Variants in TBC1D22A observed in about 807,000 individuals in gnomAD.
TBC1D22A encodes putative GTPase activator.
In TBC1D22A, 38 loss-of-function variants were observed where a neutral mutation model predicts 60.2. The observed-to-expected ratio is 0.63, with a 90% CI of 0.49 to 0.83. TBC1D22A has a LOEUF of 0.83. Among genes scored for constraint, TBC1D22A ranks in the 40% least tolerant of loss-of-function variants. The pLI, the probability that TBC1D22A is intolerant of heterozygous loss-of-function variation, is 0.00. For synonymous variants in TBC1D22A, 302 were observed against 281.7 expected (o/e 1.07, Z -0.72); for missense variants, 628 against 701.0 (o/e 0.90, Z 1.18).
chr22:46,765,672 G>A (rs1481782810), intron 1 of TBC1D22A, among the ~76,000 whole-genome samples: 2 of 151,984 alleles, frequency 1.3e-5, no homozygotes, highest in African/African-American at 2.4e-5. Flanking sequence ...TCGCCATGTC[G>A]GCCAGGCTAG....
chr22:46,814,742 GT>G (rs1204713653), intron 4 of TBC1D22A, among the ~76,000 whole-genome samples: 4 of 151,900 alleles, frequency 2.6e-5, no homozygotes, highest in African/African-American at 9.7e-5. Flanking sequence ...CGCCTCACAG[GT>G]TCAAGCAATT....
At chr22:47,168,355 G>A (rs2068288411) in intron 12 of TBC1D22A, among the ~76,000 whole-genome samples, 1 of 147,072 alleles carries the variant, frequency 6.8e-6, no homozygotes, top group Non-Finnish European at 1.5e-5. Context: ...GGGGATATAG[G>A]GACACACAGA....
intron 12 of TBC1D22A, among the ~76,000 whole-genome samples, chr22:47,120,123 G>C (rs565201255): frequency 3.9e-5 from 6 of 152,256 alleles, no homozygotes; most frequent in African/African-American, 1.4e-4. Flanking sequence ...TGTCCGGCTT[G>C]CACTATTAAT....
At chr22:46,940,222 G>A (rs2071903276) in intron 8 of TBC1D22A, among the ~76,000 whole-genome samples, 1 of 152,142 alleles carries the variant, frequency 6.6e-6, no homozygotes, top group African/African-American at 2.4e-5. Flanking sequence ...CATGCTGTTG[G>A]GAAAATGGCA....
intron 12 of TBC1D22A, among the ~76,000 whole-genome samples, chr22:47,114,338 C>A (rs145207035): frequency 2.5e-3 from 385 of 151,810 alleles, no homozygotes; most frequent in Middle Eastern, 0.01. Context: ...AGTGGGGAAC[C>A]GGGAGGAGGC....
intron 10 of TBC1D22A, among the ~76,000 whole-genome samples, chr22:47,024,176 C>T (rs938006102): frequency 2.0e-5 from 3 of 152,146 alleles, no homozygotes; most frequent in Non-Finnish European, 4.4e-5. Context: ...GGACACATAC[C>T]ATCACCCTTA....
intron 8 of TBC1D22A, among the ~76,000 whole-genome samples, chr22:46,950,737 G>T (rs150988826): frequency 9.4e-4 from 143 of 152,316 alleles, no homozygotes; most frequent in African/African-American, 3.3e-3. Context: ...GTGTGGAGGA[G>T]AATCTGAAGA....
intron 7 of TBC1D22A, among the ~76,000 whole-genome samples, chr22:46,897,206 C>G (rs1321427253): frequency 2.6e-5 from 4 of 152,262 alleles, no homozygotes; most frequent in African/African-American, 9.6e-5. Context: ...TGAAAGCACA[C>G]TCCACAGGTC....
chr22:47,110,902 T>C (rs1197759594), intron 11 of TBC1D22A, among the ~76,000 whole-genome samples: 1 of 152,116 alleles, frequency 6.6e-6, no homozygotes, highest in African/African-American at 2.4e-5. Context: ...GGGGTAGATA[T>C]CTCAAGAAGG....
chr22:47,144,310 C>T (rs958319499), intron 12 of TBC1D22A, among the ~76,000 whole-genome samples: 5 of 152,200 alleles, frequency 3.3e-5, no homozygotes, highest in African/African-American at 1.2e-4. Flanking sequence ...GAGCTCCTCT[C>T]TCCCAGAGGA....
At chr22:47,058,023 AC>A (rs532096097) in intron 11 of TBC1D22A, among the ~76,000 whole-genome samples, 2 of 151,960 alleles carry the variant, frequency 1.3e-5, no homozygotes, top group South Asian at 4.2e-4. Flanking sequence ...CAGGGCCTCG[AC>A]CCCCCTTGGG....
chr22:46,884,796 AGAGT>A (rs1299353987), intron 5 of TBC1D22A, among the ~76,000 whole-genome samples: 1 of 152,178 alleles, frequency 6.6e-6, no homozygotes, highest in Admixed American at 6.5e-5. Context: ...TAGCAGAGGA[AGAGT>A]AAGTTCAGAG....
chr22:46,882,599 G>A (rs974071763), intron 5 of TBC1D22A, among the ~76,000 whole-genome samples: 1 of 152,202 alleles, frequency 6.6e-6, no homozygotes, highest in Admixed American at 6.5e-5. Context: ...TGCGTTGGAG[G>A]AGAGAGGCTG....
At chr22:46,996,031 G>T (rs932295982) in intron 9 of TBC1D22A, among the ~76,000 whole-genome samples, 1 of 152,188 alleles carries the variant, frequency 6.6e-6, no homozygotes, top group African/African-American at 2.4e-5. Context: ...CCGCTGCCAC[G>T]CAAAGCAGCA....
chr22:47,053,148 A>G (rs2063282400), intron 11 of TBC1D22A, among the ~76,000 whole-genome samples: 1 of 151,470 alleles, frequency 6.6e-6, no homozygotes, highest in South Asian at 2.1e-4. Flanking sequence ...CCAGGGCCTC[A>G]CTGCTTCCTG....
intron 4 of TBC1D22A, among the ~76,000 whole-genome samples, chr22:46,802,981 A>G (rs956107225): frequency 7.2e-5 from 11 of 152,122 alleles, no homozygotes; most frequent in African/African-American, 2.4e-4. Flanking sequence ...GCCGATAGAC[A>G]CAGAAATCAG....
intron 1 of TBC1D22A, among the ~76,000 whole-genome samples, chr22:46,779,351 G>A (rs373829328): frequency 3.3e-5 from 5 of 151,776 alleles, no homozygotes; most frequent in Middle Eastern, 6.3e-3. Context: ...TATGTGGTGC[G>A]TGGCTTGACT....
intron 9 of TBC1D22A, among the ~76,000 whole-genome samples, chr22:46,994,432 G>A (rs2075051348): frequency 6.6e-6 from 1 of 152,202 alleles, no homozygotes; most frequent in African/African-American, 2.4e-5. Flanking sequence ...CATGGGGCGA[G>A]CATTTCTGCG....
intron 8 of TBC1D22A, among the ~76,000 whole-genome samples, chr22:46,943,044 C>T (rs1281759999): frequency 6.6e-6 from 1 of 152,112 alleles, no homozygotes. Flanking sequence ...GGACCCGTGG[C>T]AGCAGGAAAA....
Sources: allele counts gnomAD v4.1 joint callset (sites outside exome capture counted in the v4.1 genomes callset), GRCh38; gene constraint gnomAD v4.1.1; transcripts MANE v1.5; gene names NCBI Gene and HGNC (gene_info 2026-07-23, HGNC 2026-07-21).